PDE10A: variants seen among roughly 807,000 people sequenced by gnomAD.
PDE10A encodes the protein cAMP and cAMP-inhibited cGMP 3',5'-cyclic phosphodiesterase 10A.
In PDE10A, 39 loss-of-function variants were observed where a neutral mutation model predicts 97.7. The ratio of observed to expected loss-of-function variants is 0.40; its 90% CI spans 0.31 to 0.52. The LOEUF (loss-of-function observed/expected upper bound fraction) is 0.52, where lower values mean the gene tolerates loss of function less well. Among genes scored for constraint, PDE10A ranks in the 20% least tolerant of loss-of-function variants. The pLI is 0.56. For missense variants in PDE10A, 731 were observed against 1,047.8 expected (o/e 0.70, Z 4.17); for synonymous variants, 371 against 376.8 (o/e 0.98, Z 0.18).
chr6:165,601,328 A>G lies in PDE10A; in HGVS notation c.866-57760T>C, dbSNP rs1449709023. Reference sequence around the variant, plus strand: ...ATCAGCAGTGTGAAAATGGACTAATATGATATGACTGAAGTATTTTTTTCT... The same window carrying G: ...ATCAGCAGTGTGAAAATGGACTAATGTGATATGACTGAAGTATTTTTTTCT... On this transcript the variant is annotated intron_variant, in intron 1 of 21. Transcript: ENST00000539869. Among the ~76,000 whole-genome samples, 4 of 152,198 alleles carry G rather than the reference A, an allele frequency of 2.6e-5. No homozygotes were observed. In the East Asian group the frequency reaches 5.8e-4, roughly 22 times the overall value.
intron 1 of PDE10A, among the ~76,000 whole-genome samples, chr6:165,815,769 C>T (rs1779392628): frequency 6.6e-6 from 1 of 152,066 alleles, no homozygotes; most frequent in African/African-American, 2.4e-5. Flanking sequence ...GAAGTACTTT[C>T]ACTCTTTTTT....
chr6:165,443,931 A>G (rs1237016044), intron 5 of PDE10A, among the ~76,000 whole-genome samples: 1 of 152,196 alleles, frequency 6.6e-6, no homozygotes, highest in South Asian at 2.1e-4. Context: ...TGTCTTGGTG[A>G]TTAATATTCG....
At chr6:165,557,076 T>C (rs1036542781) in intron 1 of PDE10A, among the ~76,000 whole-genome samples, 1 of 152,168 alleles carries the variant, frequency 6.6e-6, no homozygotes, top group East Asian at 1.9e-4. Context: ...GAGACGGAGG[T>C]TGCAGTGAGT....
intron 2 of PDE10A, among the ~76,000 whole-genome samples, chr6:165,510,834 T>C (rs1781467274): frequency 6.6e-6 from 1 of 152,062 alleles, no homozygotes; most frequent in African/African-American, 2.4e-5. Flanking sequence ...TAACAGTTTA[T>C]GATGATCTTT....
At chr6:165,537,766 C>T (rs1583492581) in intron 2 of PDE10A, among the ~76,000 whole-genome samples, 2 of 151,548 alleles carry the variant, frequency 1.3e-5, no homozygotes, top group East Asian at 1.9e-4. Flanking sequence ...TTCTGGTTTC[C>T]ATTACCAAAA....
rs116802861 is a variant in PDE10A at position 165,609,222 on chromosome 6, G to C, written c.865+52725C>G. 9.2e-3 allele frequency among the ~76,000 whole-genome samples: 1,393 copies of C among 152,198 alleles called. 21 individuals carry two copies. The highest frequency in any genetic ancestry group is 0.032 in the African/African-American group (1,318 of 41,528). On this transcript the variant is annotated intron_variant, in intron 1 of 21. Transcript: ENST00000539869. The stretch of plus-strand genomic sequence containing the variant: ...GAATGGTACTGCCTAGGTTCTAAAC[G>C]CAATCCAGCATATAAACAGAACCAA...
chr6:165,562,995 A>G (rs1784595096), intron 1 of PDE10A, among the ~76,000 whole-genome samples: 1 of 152,166 alleles, frequency 6.6e-6, no homozygotes, highest in Non-Finnish European at 1.5e-5. Context: ...GAAAGCATCA[A>G]CGGTGCTCAC....
At chr6:165,804,870 C>A in intron 1 of PDE10A, among the ~76,000 whole-genome samples, 1 of 150,984 alleles carries the variant, frequency 6.6e-6, no homozygotes, top group South Asian at 2.1e-4. Context: ...TGGAGTCACG[C>A]GCCAGCGCGC....
Position 165,958,692 on chromosome 6 carries a change from AAG to A in PDE10A, c.-615+28835_-615+28836del, listed in dbSNP as rs761319747. 3.2e-3 allele frequency among the ~76,000 whole-genome samples: 399 copies of A among 126,588 alleles called. 3 individuals are homozygous for A. The highest frequency in any genetic ancestry group is 0.012 in the African/African-American group (385 of 32,054). 83.0% of individuals were successfully genotyped at this position (126,588 alleles called of 152,430 possible). On this transcript the variant is annotated intron_variant, in intron 1 of 19. Transcript: ENST00000366882. Reference sequence around the variant, plus strand: ...AGGGAAAGAAGGAAGGAAAGAAAGAAAGAGAAAGAAAGAAAGAAAGAGAGAAG... The same window carrying A: ...AGGGAAAGAAGGAAGGAAAGAAAGAAAGAAAGAAAGAAAGAAAGAGAGAAG...
intron 1 of PDE10A, among the ~76,000 whole-genome samples, chr6:165,613,256 C>T (rs917057898): frequency 1.3e-5 from 2 of 151,944 alleles, no homozygotes; most frequent in Non-Finnish European, 2.9e-5. Flanking sequence ...ATTCCATAAT[C>T]CAGTATTCAA....
intron 1 of PDE10A, among the ~76,000 whole-genome samples, chr6:165,845,525 G>A (rs778072654): frequency 3.9e-5 from 6 of 152,196 alleles, no homozygotes; most frequent in African/African-American, 4.8e-5. Context: ...AAAGAATTGA[G>A]AGGAAAACCC....
At chr6:165,666,697 A>G (rs1488545278), upstream of PDE10A, among the ~76,000 whole-genome samples, 1 of 141,702 alleles carries the variant, frequency 7.1e-6, no homozygotes, top group African/African-American at 2.6e-5. Context: ...TTGTATTTCC[A>G]GGAAACCTCC....
chr6:165,543,539 G>A lies in PDE10A; in HGVS notation c.895C>T (p.Leu299Phe), dbSNP rs185608480. ...SLTDEKVKAY[L>F]SLHPQVLDEF... Reference sequence around the variant, plus strand: ...TCTAATACCTGGGGGTGAAGAGAAAGATATGCCTTCACTTTTTCATCTGTC... The same window carrying A: ...TCTAATACCTGGGGGTGAAGAGAAAAATATGCCTTCACTTTTTCATCTGTC... The change falls in exon 2 of 22, where the codon CTT (leucine) becomes TTT (phenylalanine). Residue 299 changes from leucine (L) to phenylalanine (F), a missense_variant. By Grantham distance (22) the Leu-to-Phe change is conservative (BLOSUM62 0). This residue lies in a region of PDE10A where 181 missense variants were observed against 159.1 expected (regional missense o/e 1.14). Transcript: ENST00000539869. 1.2e-6 allele frequency: 2 copies of A among 1,610,408 alleles called. No homozygotes were observed. Among genetic ancestry groups the A allele is most frequent in the African/African-American group, 2.7e-5 (2 of 74,830 alleles).
intron 1 of PDE10A, among the ~76,000 whole-genome samples, chr6:165,784,284 T>A (rs1378885747): frequency 1.3e-5 from 2 of 151,798 alleles, no homozygotes; most frequent in African/African-American, 4.8e-5. Flanking sequence ...TCAGTGGACG[T>A]GTAGCATCCA....
At chr6:165,576,109 T>C (rs748817929) in intron 1 of PDE10A, among the ~76,000 whole-genome samples, 6 of 151,770 alleles carry the variant, frequency 4.0e-5, no homozygotes, top group Non-Finnish European at 1.5e-5. Context: ...CTATGAAAAA[T>C]AAAGGGAAAA....
At chr6:165,420,056 C>T (rs937752944) in intron 10 of PDE10A, among the ~76,000 whole-genome samples, 3 of 152,136 alleles carry the variant, frequency 2.0e-5, no homozygotes, top group East Asian at 3.9e-4. Flanking sequence ...GTATCAGGAC[C>T]TCTAGGTTAC....
At chr6:165,523,723 A>G (rs1782268090) in intron 2 of PDE10A, among the ~76,000 whole-genome samples, 1 of 152,192 alleles carries the variant, frequency 6.6e-6, no homozygotes, top group Non-Finnish European at 1.5e-5. Context: ...ATAATTTATG[A>G]CTCAGTTTTC....
At chr6:165,660,510 C>G (rs1399340705) in intron 1 of PDE10A, 6 of 152,362 alleles carry the variant, frequency 3.9e-5, no homozygotes, top group Admixed American at 3.3e-4. Context: ...TGGACTCGCC[C>G]GTGCCCGGGA....
chr6:165,829,060 A>C (rs1030801634), intron 1 of PDE10A, among the ~76,000 whole-genome samples: 1 of 152,196 alleles, frequency 6.6e-6, no homozygotes, highest in Non-Finnish European at 1.5e-5. Context: ...TGGGGTCCCC[A>C]CCAAAAGAGA....
Sources: allele counts gnomAD v4.1 joint callset (sites outside exome capture counted in the v4.1 genomes callset), GRCh38; gene constraint gnomAD v4.1.1; regional missense constraint gnomAD v4.1.1; transcripts MANE v1.5; gene names NCBI Gene and HGNC (gene_info 2026-07-23, HGNC 2026-07-21).